POPDC1: variants seen among roughly 807,000 people sequenced by gnomAD.
POPDC1 encodes popeye domain-containing protein 1.
chr6:105,129,015 A>G, the POPDC1 span, among the ~76,000 whole-genome samples: 7 of 152,226 alleles, frequency 4.6e-5, no homozygotes, highest in Non-Finnish European at 8.8e-5. Flanking sequence ...CTATTTGTAA[A>G]TCATTAGAAT....
the POPDC1 span, chr6:105,133,234 G>A: frequency 2.7e-6 from 2 of 754,646 alleles, no homozygotes; most frequent in Admixed American, 2.8e-5. Flanking sequence ...CATTAACAAA[G>A]ACTTACATTT....
chr6:105,106,159 C>T, the POPDC1 span, among the ~76,000 whole-genome samples: 1 of 152,090 alleles, frequency 6.6e-6, no homozygotes, highest in Non-Finnish European at 1.5e-5. Context: ...AGTATATAAA[C>T]AGTATCATAC....
the POPDC1 span, among the ~76,000 whole-genome samples, chr6:105,104,622 C>T: frequency 4.1e-4 from 62 of 152,238 alleles, no homozygotes; most frequent in Admixed American, 1.8e-3. Flanking sequence ...TCCAGTAAAC[C>T]TCATTAGGAA....
At chr6:105,118,922 G>A in the POPDC1 span, among the ~76,000 whole-genome samples, 2 of 152,178 alleles carry the variant, frequency 1.3e-5, no homozygotes, top group South Asian at 2.1e-4. Flanking sequence ...ACTGGCATGT[G>A]CCTACAGTCC....
chr6:105,113,888 T>C, the POPDC1 span, among the ~76,000 whole-genome samples: 1 of 150,144 alleles, frequency 6.7e-6, no homozygotes. Flanking sequence ...TCTGTAATTG[T>C]ACCAATGTAC....
chr6:105,118,412 G>A, the POPDC1 span, among the ~76,000 whole-genome samples: 123 of 152,258 alleles, frequency 8.1e-4, no homozygotes, highest in African/African-American at 2.8e-3. Context: ...AAAACCAAAC[G>A]TATTTGTTTT....
At chr6:105,128,469 T>G in the POPDC1 span, among the ~76,000 whole-genome samples, 2 of 152,152 alleles carry the variant, frequency 1.3e-5, no homozygotes, top group African/African-American at 4.8e-5. Flanking sequence ...AGCTGACACA[T>G]AGCTGCCAGA....
chr6:105,131,437 A>G, the POPDC1 span, among the ~76,000 whole-genome samples: 1 of 150,734 alleles, frequency 6.6e-6, no homozygotes, highest in Non-Finnish European at 1.5e-5. Flanking sequence ...CACTTTTTAA[A>G]ATTTTTTTTT....
chr6:105,127,676 T>A, the POPDC1 span, among the ~76,000 whole-genome samples: 2 of 152,038 alleles, frequency 1.3e-5, no homozygotes, highest in African/African-American at 2.4e-5. Context: ...GCTCAAGAGA[T>A]CTTCCAACCT....
At chr6:105,101,285 A>G in the POPDC1 span, 1 of 1,409,712 alleles carries the variant, frequency 7.1e-7, no homozygotes, top group East Asian at 2.6e-5. Flanking sequence ...TATATCAATT[A>G]TAAATTCCAA....
At chr6:105,101,270 T>G in the POPDC1 span, 1 of 1,459,996 alleles carries the variant, frequency 6.8e-7, no homozygotes, top group Non-Finnish European at 9.1e-7. Context: ...CAGACCCTGG[T>G]GTGATATATC....
the POPDC1 span, chr6:105,116,627 A>G: frequency 7.8e-7 from 1 of 1,284,360 alleles, no homozygotes; most frequent in Non-Finnish European, 1.1e-6. Flanking sequence ...AAAATTCAGG[A>G]AAACATATTT....
chr6:105,133,560 G>T, the POPDC1 span: 1 of 1,610,128 alleles, frequency 6.2e-7, no homozygotes. Flanking sequence ...TCAATGGGCT[G>T]GACTCTGTAT....
the POPDC1 span, among the ~76,000 whole-genome samples, chr6:105,114,600 ATGTC>A: frequency 6.6e-6 from 1 of 152,260 alleles, no homozygotes; most frequent in Non-Finnish European, 1.5e-5. Flanking sequence ...CAATGGAAGA[ATGTC>A]TGCCTTTTTG....
At chr6:105,115,198 T>TACCTCA in the POPDC1 span, among the ~76,000 whole-genome samples, 2 of 152,254 alleles carry the variant, frequency 1.3e-5, no homozygotes, top group Non-Finnish European at 2.9e-5. Context: ...GCCATTCTCC[T>TACCTCA]GCCTCAGCCT....
the POPDC1 span, among the ~76,000 whole-genome samples, chr6:105,135,843 T>TAAGTG: frequency 6.6e-6 from 1 of 152,220 alleles, no homozygotes; most frequent in African/African-American, 2.4e-5. Context: ...ACTTAATCGT[T>TAAGTG]AAGTGGCTTA....
the POPDC1 span, among the ~76,000 whole-genome samples, chr6:105,133,036 G>A: frequency 6.6e-6 from 1 of 152,130 alleles, no homozygotes; most frequent in Non-Finnish European, 1.5e-5. Context: ...AGTTACAGTT[G>A]ACAAGAAATA....
the POPDC1 span, among the ~76,000 whole-genome samples, chr6:105,122,433 T>C: frequency 6.6e-6 from 1 of 152,236 alleles, no homozygotes; most frequent in African/African-American, 2.4e-5. Context: ...AAGAGAACTG[T>C]AGCTAGTGGT....
At chr6:105,132,215 C>T in the POPDC1 span, among the ~76,000 whole-genome samples, 1 of 152,314 alleles carries the variant, frequency 6.6e-6, no homozygotes, top group African/African-American at 2.4e-5. Flanking sequence ...ATCCACCCAC[C>T]TCGGCCTACC....
Sources: gnomAD v4.1 joint callset for allele counts (sites outside exome capture counted in the v4.1 genomes callset) on GRCh38, gnomAD v4.1.1 for gene constraint, MANE v1.5 for transcripts, NCBI Gene and HGNC (gene_info 2026-07-23, HGNC 2026-07-21) for gene names.